Variants in RPL3 observed in about 807,000 individuals in gnomAD.
The protein encoded by RPL3 is ribosomal protein L3.
In RPL3, 3 loss-of-function variants were observed where a neutral mutation model predicts 46.0. The observed-to-expected ratio is 0.07, with a 90% CI of 0.03 to 0.17. The LOEUF (loss-of-function observed/expected upper bound fraction) is 0.17, where lower values mean the gene tolerates loss of function less well. Among genes scored for constraint, RPL3 ranks in the 10% least tolerant of loss-of-function variants. The pLI is 1.00. For synonymous variants in RPL3, 224 were observed against 190.8 expected (o/e 1.17, Z -1.43); for missense variants, 387 against 532.7 (o/e 0.73, Z 2.69).
rs9611143 is a variant in RPL3 at position 39,313,025 on chromosome 22, G to A, written c.1168-41C>T. 9,941 of 1,613,586 alleles carry A rather than the reference G, an allele frequency of 6.2e-3. 48 individuals are homozygous for A. The highest frequency in any genetic ancestry group is 7.7e-3 in the Non-Finnish European group (9,120 of 1,179,544). On this transcript the variant is annotated intron_variant, in intron 9 of 9. Coordinates refer to ENST00000216146, the MANE Select transcript of RPL3 (RefSeq NM_000967.4). ...CAGTGGTCAGAGGTAGAAGATGACA[G>A]GTGACAGCAGATGCCCACTCTAGAG...
At chr22:39,318,183 C>A (rs1569162167) in intron 2 of RPL3, 1 of 547,984 alleles carries the variant, frequency 1.8e-6, no homozygotes, top group Non-Finnish European at 3.2e-6. Context: ...ATCAATACCC[C>A]ACACCGCACC....
chr22:39,318,700 C>T, intron 1 of RPL3, 108 bp from the exon 2 acceptor site: 1 of 884,234 alleles, frequency 1.1e-6, no homozygotes, highest in Non-Finnish European at 1.7e-6. Context: ...GAATCCTGAC[C>T]AGACACCCAG....
intron 3 of RPL3, 21 bp from the exon 4 acceptor site, chr22:39,316,862 T>C: frequency 6.2e-7 from 1 of 1,613,354 alleles, no homozygotes; most frequent in Non-Finnish European, 8.5e-7. Context: ...AGAGCAGAGT[T>C]GGGGAGGGGA....
chr22:39,317,363 C>T, intron 3 of RPL3, 98 bp downstream of exon 3: 1 of 1,376,890 alleles, frequency 7.3e-7, no homozygotes, highest in Admixed American at 2.2e-5. Flanking sequence ...GACAGCAGCT[C>T]CCTGCCTGCT....
Position 39,314,711 on chromosome 22 carries a change from T to C in RPL3, c.824A>G (p.His275Arg). ...SVARAGQKGY[H>R]HRTEINKKIY... The stretch of plus-strand genomic sequence containing the variant: ...CTTCTTGTTGATCTCAGTGCGGTGA[T>C]GGTAGCCTTTCTGCCCAGCGCGTGC... The change falls in exon 6 of 10, where the codon CAT becomes CGT. Residue 275 changes from histidine (H) to arginine (R), a missense_variant. Transcript: ENST00000216146. The C allele has an allele frequency of 3.7e-6, 6 of 1,613,478 alleles. No individual in the cohort carries two copies. The highest frequency in any genetic ancestry group is 5.1e-6 in the Non-Finnish European group (6 of 1,179,950).
intron 7 of RPL3, 162 bp downstream of exon 7, chr22:39,313,945 C>A: frequency 1.2e-6 from 1 of 837,730 alleles, no homozygotes; most frequent in Non-Finnish European, 2.1e-6. Context: ...CCAGCCAACC[C>A]CGACGAGTGG....
chr22:39,313,084 C>A (rs1922458057), intron 9 of RPL3, 100 bp from the exon 10 acceptor site: 2 of 1,605,204 alleles, frequency 1.2e-6, no homozygotes. Context: ...TCCACAGCCA[C>A]AAGAGAGGCC....
In RPL3 at chr22:39,315,475, C is replaced by G; in HGVS notation, c.582G>C (p.Leu194=). ...QVNGGTVAEK[L]DWARERLEQQ... ...GCTCAAGCCTCTCGCGGGCCCAGTC[C>G]AGCTTCTCGGCCACAGTGCCTCCGT... The change falls in exon 5 of 10, where the codon CTG becomes CTC. Residue 194 remains leucine, a synonymous_variant. Coordinates refer to ENST00000216146, the MANE Select transcript of RPL3 (RefSeq NM_000967.4). The G allele has an allele frequency of 6.2e-7, 1 of 1,614,074 alleles. No individual in the cohort carries two copies. Among genetic ancestry groups the G allele is most frequent in the African/African-American group, 1.3e-5 (1 of 75,054 alleles).
At chr22:39,318,953 AC>A (rs1163208945) in intron 1 of RPL3, 2 of 524,116 alleles carry the variant, frequency 3.8e-6, no homozygotes, top group African/African-American at 3.9e-5. Flanking sequence ...CCCGGGACAA[AC>A]GCTGGGTAGC....
intron 8 of RPL3, 75 bp from the exon 9 acceptor site, chr22:39,313,385 G>GC: frequency 6.3e-7 from 1 of 1,585,592 alleles, no homozygotes; most frequent in Non-Finnish European, 8.6e-7. Context: ...CAGCGCCCCT[G>GC]CATCTGGGAA....
chr22:39,317,476 C>T lies in RPL3; in HGVS notation c.350G>A (p.Arg117His), dbSNP rs11548030. 3.7e-6 allele frequency: 6 copies of T among 1,613,594 alleles called. No homozygotes were observed. Among genetic ancestry groups the T allele is most frequent in the Admixed American group, 1.7e-5 (1 of 59,966 alleles). ...CCTCCCTTACCAATTCTTATAGAAA[C>T]GCCTCTTGCATTCATCACTGATGTG... The part of the protein sequence containing the change: ...AEHISDECKR[R>H]FYKNWHKSKK... Residue 117 changes from arginine to histidine, a missense_variant, in exon 3 of 10, where the codon CGT (arginine) becomes CAT (histidine). Arg to His is a conservative substitution (Grantham distance 29, BLOSUM62 0). Coordinates refer to ENST00000216146, the MANE Select transcript of RPL3 (RefSeq NM_000967.4).
intron 3 of RPL3, 49 bp downstream of exon 3, chr22:39,317,412 T>TCCAGCTCC: frequency 6.3e-7 from 1 of 1,588,806 alleles, no homozygotes; most frequent in Non-Finnish European, 8.6e-7. Flanking sequence ...CTCCCTGCTC[T>TCCAGCTCC]CCAGCTCCCA....
chr22:39,317,090 C>A (rs1401375112), intron 3 of RPL3: 9 of 634,946 alleles, frequency 1.4e-5, no homozygotes, highest in Non-Finnish European at 2.5e-5. Flanking sequence ...CCGGGACAAA[C>A]CTTTCTGCCC....
At chr22:39,316,192 TAG>T (rs1922677402) in intron 4 of RPL3, among the ~76,000 whole-genome samples, 1 of 150,838 alleles carries the variant, frequency 6.6e-6, no homozygotes, top group Admixed American at 6.6e-5. Flanking sequence ...TGAGCTGAGA[TAG>T]GGCTATTGCA....
Position 39,313,192 on chromosome 22 carries a change from A to G in RPL3, c.1166T>C (p.Met389Thr). ...FQTMEEKKAF[M>T]GPLKKDRIAK... ...AGGGGGGCAGGCAGAGGTGCTCACC[A>G]TGAATGCTTTCTTCTCCTCCATGGT... Residue 389 changes from methionine (M) to threonine (T), a missense_variant and splice_region_variant, in exon 9 of 10, where the codon ATG (methionine) becomes ACG (threonine). By Grantham distance (81) the Met-to-Thr change is moderately conservative. Coordinates refer to ENST00000216146, the MANE Select transcript of RPL3 (RefSeq NM_000967.4). 5 of 1,607,994 alleles carry G rather than the reference A, an allele frequency of 3.1e-6. No individual in the cohort carries two copies. Among genetic ancestry groups the G allele is most frequent in the Non-Finnish European group, 4.2e-6 (5 of 1,177,308 alleles).
chr22:39,316,820 G>A lies in RPL3; in HGVS notation c.387C>T (p.Ala129=), dbSNP rs1922725846. 1.2e-6 allele frequency: 2 copies of A among 1,613,910 alleles called. No individual in the cohort carries two copies. Among genetic ancestry groups the A allele is most frequent in the Non-Finnish European group, 1.7e-6 (2 of 1,180,036 alleles). ...GCCATTTCTTGCAGTACTTGGTAAA[G>A]GCCTTCTTCTTAGATTTATGCCTTC... ...YKNWHKSKKK[A]FTKYCKKWQD... The change falls in exon 4 of 10, where the codon GCC becomes GCT. Residue 129 remains alanine (A), a synonymous_variant. Transcript: ENST00000216146.
intron 8 of RPL3, 65 bp downstream of exon 8, chr22:39,313,569 G>C (rs1290144185): frequency 9.5e-6 from 14 of 1,468,616 alleles, no homozygotes; most frequent in Non-Finnish European, 1.3e-5. Flanking sequence ...AGGGCCACCA[G>C]CGTCTGTGGC....
At chr22:39,317,799 TTA>T (rs1922799873) in intron 2 of RPL3, 170 bp from the exon 3 acceptor site, 3 of 673,718 alleles carry the variant, frequency 4.5e-6, no homozygotes, top group South Asian at 2.1e-5. Flanking sequence ...CAAAGCACAT[TTA>T]TGTTATTCAA....
intron 2 of RPL3, 156 bp from the exon 3 acceptor site, chr22:39,317,785 C>G: frequency 2.8e-6 from 2 of 723,546 alleles, no homozygotes; most frequent in Non-Finnish European, 4.6e-6. Flanking sequence ...GCCTATCTCT[C>G]ATTCAAAGCA....
Sources: allele counts gnomAD v4.1 joint callset (sites outside exome capture counted in the v4.1 genomes callset), GRCh38; gene constraint gnomAD v4.1.1; transcripts MANE v1.5; gene names NCBI Gene and HGNC (gene_info 2026-07-23, HGNC 2026-07-21).